UBE2H: variants seen among roughly 807,000 people sequenced by gnomAD.
UBE2H encodes the protein ubiquitin-conjugating enzyme E2 H.
Under a neutral mutation model 29.0 loss-of-function variants are expected in UBE2H, and 3 were observed. The observed-to-expected ratio is 0.10, with a 90% CI of 0.05 to 0.27. UBE2H has a LOEUF of 0.27. UBE2H is among the 10% of genes least tolerant of loss of function. The pLI is 1.00. For missense variants in UBE2H, 68 were observed against 228.2 expected (o/e 0.30, Z 4.52); for synonymous variants, 69 against 82.9 (o/e 0.83, Z 0.91).
Position 129,832,879 on chromosome 7 carries a change from CAT to C in UBE2H, c.*2056_*2057del, listed in dbSNP as rs1805256054. ...CCTAAATAGCACCTACAATAAATGT[CAT>C]AGCACAAGCAAACTGCAAAGTCAGC... On this transcript the variant is annotated 3_prime_UTR_variant, in exon 7 of 7. Coordinates refer to ENST00000355621, the MANE Select transcript of UBE2H (RefSeq NM_003344.4). 1 of 152,124 alleles carries C rather than the reference CAT, an allele frequency of 6.6e-6. No individual in the cohort carries two copies. The highest frequency in any genetic ancestry group is 2.4e-5 in the African/African-American group (1 of 41,390). The allele number at this position is 152,124 out of a possible 1,614,324, so 9.4% of individuals were successfully genotyped here.
chr7:129,864,556 C>CTTTT (rs367930226), intron 3 of UBE2H, among the ~76,000 whole-genome samples: 68,795 of 130,432 alleles, frequency 0.53, 19,299 homozygotes, highest in Middle Eastern at 0.62. Flanking sequence ...TCTTTTCTTT[C>CTTTT]TTTTTTTTTT....
intron 1 of UBE2H, among the ~76,000 whole-genome samples, chr7:129,932,205 G>C (rs1478329736): frequency 4.0e-5 from 6 of 149,288 alleles, no homozygotes; most frequent in Non-Finnish European, 1.5e-5. Context: ...CTCACTGCAA[G>C]CTCCACCTCC....
At chr7:129,931,258 T>C (rs1807389223) in intron 1 of UBE2H, among the ~76,000 whole-genome samples, 1 of 149,630 alleles carries the variant, frequency 6.7e-6, no homozygotes, top group African/African-American at 2.5e-5. Context: ...CGTGGTGGTA[T>C]GCGCCTGTAA....
intron 5 of UBE2H, among the ~76,000 whole-genome samples, chr7:129,846,689 G>C (rs1159385042): frequency 6.6e-6 from 1 of 152,156 alleles, no homozygotes; most frequent in Non-Finnish European, 1.5e-5. Flanking sequence ...TCATTTTGGA[G>C]ACTTTTACCT....
chr7:129,876,201 T>C (rs947812830), intron 3 of UBE2H, among the ~76,000 whole-genome samples: 1 of 152,190 alleles, frequency 6.6e-6, no homozygotes, highest in African/African-American at 2.4e-5. Flanking sequence ...ATATCAAACA[T>C]GCAGAATCTG....
intron 6 of UBE2H, among the ~76,000 whole-genome samples, chr7:129,835,884 G>A (rs1416909532): frequency 6.6e-6 from 1 of 152,170 alleles, no homozygotes; most frequent in Non-Finnish European, 1.5e-5. Flanking sequence ...ATAGAGTTGC[G>A]GGGACTCACT....
intron 1 of UBE2H, among the ~76,000 whole-genome samples, chr7:129,942,512 A>G (rs1267679209): frequency 6.6e-6 from 1 of 152,166 alleles, no homozygotes; most frequent in Admixed American, 6.5e-5. Context: ...ATTCCAGGAA[A>G]GCATGATATC....
chr7:129,898,827 CTT>C (rs1461365971), intron 1 of UBE2H, among the ~76,000 whole-genome samples: 2 of 92,326 alleles, frequency 2.2e-5, no homozygotes, highest in Non-Finnish European at 4.8e-5. Context: ...TTTTTTTTTT[CTT>C]GTCTTTTAAA....
At chr7:129,910,516 C>T (rs1215974704) in intron 1 of UBE2H, among the ~76,000 whole-genome samples, 2 of 152,058 alleles carry the variant, frequency 1.3e-5, no homozygotes, top group South Asian at 2.1e-4. Context: ...TCCATCAAAC[C>T]GATTTTTATA....
chr7:129,856,389 T>C (rs1458687070), intron 5 of UBE2H, among the ~76,000 whole-genome samples: 5 of 152,186 alleles, frequency 3.3e-5, no homozygotes, highest in Non-Finnish European at 7.4e-5. Flanking sequence ...AAGGGCACTG[T>C]GATAAGAGTC....
Position 129,919,100 on chromosome 7 carries a change from TAAAAAA to T in UBE2H, c.53+33397_53+33402del, listed in dbSNP as rs1204331286. Among the ~76,000 whole-genome samples, 11 of 72,150 alleles carry T rather than the reference TAAAAAA, an allele frequency of 1.5e-4. No individual in the cohort carries two copies. In the East Asian group the frequency reaches 5.1e-3, roughly 33 times the overall value. The allele number at this position is 72,150 out of a possible 152,430, so 47.3% of individuals were successfully genotyped here. A position where few individuals can be genotyped will look rare whatever the true frequency, so the allele number is the denominator to read the frequency against. On this transcript the variant is annotated intron_variant, in intron 1 of 6. Coordinates refer to ENST00000355621, the MANE Select transcript of UBE2H (RefSeq NM_003344.4). ...CCTTGTCTCAAAAACAAAAACAAAG[TAAAAAA>T]AAAAAAAAAAAAAAAGCACCAAAAA...
intron 3 of UBE2H, among the ~76,000 whole-genome samples, chr7:129,877,572 C>A (rs1806170307): frequency 6.6e-6 from 1 of 152,150 alleles, no homozygotes; most frequent in Non-Finnish European, 1.5e-5. Context: ...AATCTACTTT[C>A]CAAACAGAAG....
intron 3 of UBE2H, among the ~76,000 whole-genome samples, chr7:129,867,151 T>C (rs1423598175): frequency 6.6e-6 from 1 of 152,212 alleles, no homozygotes; most frequent in African/African-American, 2.4e-5. Flanking sequence ...TTATAATTTT[T>C]ATTTTTAATA....
At chr7:129,892,093 C>T (rs1335147093) in intron 1 of UBE2H, among the ~76,000 whole-genome samples, 1 of 151,812 alleles carries the variant, frequency 6.6e-6, no homozygotes. Context: ...GCTGGGACTA[C>T]AGGCGCCCGC....
chr7:129,927,755 C>A (rs1035972520), intron 1 of UBE2H, among the ~76,000 whole-genome samples: 1 of 151,998 alleles, frequency 6.6e-6, no homozygotes, highest in African/African-American at 2.4e-5. Context: ...TACGTGGGAG[C>A]TAAAAAAGTT....
intron 1 of UBE2H, among the ~76,000 whole-genome samples, chr7:129,933,368 A>G (rs916330878): frequency 2.4e-4 from 37 of 152,334 alleles, no homozygotes; most frequent in African/African-American, 8.7e-4. Context: ...ACACTTTGCA[A>G]CTTATAAAAC....
At chr7:129,868,789 C>T (rs574164574) in intron 3 of UBE2H, among the ~76,000 whole-genome samples, 7 of 152,146 alleles carry the variant, frequency 4.6e-5, no homozygotes, top group Non-Finnish European at 1.0e-4. Flanking sequence ...GCAGGTTTCA[C>T]ATTAAAAGGG....
chr7:129,923,729 T>C (rs1807210411), intron 1 of UBE2H, among the ~76,000 whole-genome samples: 1 of 152,180 alleles, frequency 6.6e-6, no homozygotes, highest in Non-Finnish European at 1.5e-5. Flanking sequence ...AATTACAAAA[T>C]TATTTGAAAT....
chr7:129,831,414 A>G lies in UBE2H; in HGVS notation c.*3523T>C, dbSNP rs948901568. On this transcript the variant is annotated 3_prime_UTR_variant, in exon 7 of 7. Coordinates refer to ENST00000355621, the MANE Select transcript of UBE2H (RefSeq NM_003344.4). ...TCCAGAAACTTGACCCACAGAGGCT[A>G]GCGGAGGATCTGTCTTTCATGATTC... 1.3e-5 allele frequency: 2 copies of G among 152,218 alleles called. No individual in the cohort carries two copies. Among genetic ancestry groups the G allele is most frequent in the African/African-American group, 2.4e-5 (1 of 41,464 alleles). The allele number at this position is 152,218 out of a possible 1,614,324, so 9.4% of individuals were successfully genotyped here. A position where few individuals can be genotyped will look rare whatever the true frequency, so the allele number is the denominator to read the frequency against.
Sources: gnomAD v4.1 joint callset for allele counts (sites outside exome capture counted in the v4.1 genomes callset) on GRCh38, gnomAD v4.1.1 for gene constraint, MANE v1.5 for transcripts, NCBI Gene and HGNC (gene_info 2026-07-23, HGNC 2026-07-21) for gene names.